Variants in LCMT1 observed in about 807,000 individuals in gnomAD.
The protein encoded by LCMT1 is leucine carboxyl methyltransferase 1, also known as [Phosphatase 2A protein]-leucine-carboxy methyltransferase 1.
Under a neutral mutation model 47.7 loss-of-function variants are expected in LCMT1, and 32 were observed. The ratio of observed to expected loss-of-function variants is 0.67; its 90% CI spans 0.51 to 0.90. LCMT1 has a LOEUF of 0.90. LCMT1 is among the 40% of genes least tolerant of loss of function. LCMT1 has a pLI of 0.00. For missense variants in LCMT1, 375 were observed against 415.2 expected (o/e 0.90, Z 0.84); for synonymous variants, 152 against 149.7 (o/e 1.02, Z -0.11).
At chr16:25,123,037 A>G (rs1251081132) in intron 1 of LCMT1, among the ~76,000 whole-genome samples, 2 of 152,008 alleles carry the variant, frequency 1.3e-5, no homozygotes, top group Admixed American at 6.6e-5. Flanking sequence ...GGCTATTTCC[A>G]ATTATTTAAC....
intron 6 of LCMT1, 43 bp downstream of exon 6, chr16:25,161,247 A>G: frequency 9.3e-7 from 1 of 1,081,024 alleles, no homozygotes; most frequent in Non-Finnish European, 1.4e-6. Flanking sequence ...TTGTGATTTT[A>G]TGCTAATTAT....
At chr16:25,131,855 A>G (rs1213430648) in intron 2 of LCMT1, among the ~76,000 whole-genome samples, 1 of 152,180 alleles carries the variant, frequency 6.6e-6, no homozygotes, top group Non-Finnish European at 1.5e-5. Flanking sequence ...TTGTGTTTTT[A>G]GTAGCAAGCC....
chr16:25,162,617 A>G (rs1043095654), intron 6 of LCMT1, among the ~76,000 whole-genome samples: 1 of 151,928 alleles, frequency 6.6e-6, no homozygotes, highest in Non-Finnish European at 1.5e-5. Flanking sequence ...AAGAAAAGAA[A>G]AAGAAAAATG....
chr16:25,122,759 C>T (rs1311613781), intron 1 of LCMT1, among the ~76,000 whole-genome samples: 3 of 152,114 alleles, frequency 2.0e-5, no homozygotes, highest in Admixed American at 6.6e-5. Context: ...TTCTGTCAAG[C>T]TGATGCTTGT....
chr16:25,119,061 T>C (rs1361857416), intron 1 of LCMT1, among the ~76,000 whole-genome samples: 1 of 152,084 alleles, frequency 6.6e-6, no homozygotes, highest in Non-Finnish European at 1.5e-5. Context: ...TGTGGGGGTG[T>C]CCCCTGTGAG....
At position 25,163,081 on chromosome 16, in the gene LCMT1, T is replaced by G. The variant is rs570278725; in HGVS notation, c.570-1517T>G. ...TTCACCATATTGCCCAGGCTTGTTT[T>G]GAACTCGTGAGCCCAAGCGATCTAA... is the stretch of plus-strand genomic sequence containing the variant. On this transcript the variant is annotated intron_variant, in intron 6 of 10. Coordinates refer to ENST00000399069, the MANE Select transcript of LCMT1 (RefSeq NM_016309.3). 1.1e-4 allele frequency among the ~76,000 whole-genome samples: 17 copies of G among 152,364 alleles called. 1 individual carries two copies. The South Asian group carries it at 3.5e-3, about 32-fold the overall frequency.
intron 9 of LCMT1, among the ~76,000 whole-genome samples, chr16:25,171,984 A>G (rs1597607431): frequency 6.6e-6 from 1 of 152,148 alleles, no homozygotes; most frequent in East Asian, 1.9e-4. Context: ...TTACATATCA[A>G]AATATTGAGG....
At chr16:25,152,628 A>G (rs1360489911) in intron 5 of LCMT1, among the ~76,000 whole-genome samples, 1 of 152,150 alleles carries the variant, frequency 6.6e-6, no homozygotes. Context: ...CTTGGAAAAA[A>G]CTAGAAGACG....
intron 8 of LCMT1, among the ~76,000 whole-genome samples, chr16:25,169,804 A>C (rs1347062207): frequency 6.6e-6 from 1 of 152,136 alleles, no homozygotes; most frequent in Non-Finnish European, 1.5e-5. Flanking sequence ...AACATTGTCC[A>C]CACTTTGCAG....
At chr16:25,125,110 T>C (rs927096197) in intron 1 of LCMT1, among the ~76,000 whole-genome samples, 4 of 152,190 alleles carry the variant, frequency 2.6e-5, no homozygotes, top group African/African-American at 2.4e-5. Context: ...ATAGAAGTGA[T>C]GTTCTCTGGG....
At chr16:25,154,247 C>T (rs1036733833) in intron 5 of LCMT1, among the ~76,000 whole-genome samples, 2 of 151,702 alleles carry the variant, frequency 1.3e-5, no homozygotes, top group Non-Finnish European at 2.9e-5. Context: ...CTGCTAACCT[C>T]GTGATCCTCT....
chr16:25,114,945 T>C (rs1377930925), intron 1 of LCMT1, among the ~76,000 whole-genome samples: 1 of 152,130 alleles, frequency 6.6e-6, no homozygotes, highest in Non-Finnish European at 1.5e-5. Flanking sequence ...TGGCCCAGAG[T>C]GTCCTCTACC....
chr16:25,135,896 G>A (rs1032672666), intron 3 of LCMT1, among the ~76,000 whole-genome samples: 4 of 151,972 alleles, frequency 2.6e-5, no homozygotes, highest in Non-Finnish European at 4.4e-5. Flanking sequence ...TTTGAGACCA[G>A]CCTGGGCATC....
In LCMT1 at chr16:25,178,055, G is replaced by A. The variant is rs763367563; in HGVS notation, c.*32G>A. On this transcript the variant is annotated 3_prime_UTR_variant, in exon 11 of 11. Transcript: ENST00000399069. Reference sequence around the variant, plus strand: ...GAAGGCTTATGCCGAGCCAGAAGCCGAAGCCACTTGCCCTCCTGGAGGAGA... The same window carrying A: ...GAAGGCTTATGCCGAGCCAGAAGCCAAAGCCACTTGCCCTCCTGGAGGAGA... 2.9e-5 allele frequency: 47 copies of A among 1,611,704 alleles called. No homozygotes were observed. The Middle Eastern group carries it at 4.9e-4, about 17-fold the overall frequency.
intron 9 of LCMT1, among the ~76,000 whole-genome samples, chr16:25,171,148 A>C (rs906025591): frequency 7.6e-5 from 11 of 144,600 alleles, no homozygotes; most frequent in East Asian, 4.3e-4. Context: ...AGCCGGGAGA[A>C]TCACTTAAAC....
At chr16:25,117,893 C>G (rs1959849321) in intron 1 of LCMT1, among the ~76,000 whole-genome samples, 1 of 151,974 alleles carries the variant, frequency 6.6e-6, no homozygotes, top group Non-Finnish European at 1.5e-5. Flanking sequence ...GGAACTGCCC[C>G]TTTATTTTCC....
In LCMT1 at chr16:25,132,624, G is replaced by GA; in HGVS notation, c.327+104dup. On this transcript the variant is annotated intron_variant, in intron 3 of 10. Coordinates refer to ENST00000399069, the MANE Select transcript of LCMT1 (RefSeq NM_016309.3). ...AAACATATATTAAAAGTTATGCAGC[G>GA]AAAGCCTGTCTCCCACCCCTGTCCC... 4 of 1,327,998 alleles carry GA rather than the reference G, an allele frequency of 3.0e-6. 1 individual carries two copies. The South Asian group carries it at 5.7e-5, about 19-fold the overall frequency. 82.3% of individuals were successfully genotyped at this position (1,327,998 alleles called of 1,614,324 possible). A position where few individuals can be genotyped will look rare whatever the true frequency, so the allele number is the denominator to read the frequency against.
chr16:25,149,743 G>A (rs1221779168), intron 4 of LCMT1, among the ~76,000 whole-genome samples: 3 of 151,922 alleles, frequency 2.0e-5, no homozygotes, highest in Admixed American at 1.3e-4. Flanking sequence ...GTGAAACCTC[G>A]TCTCTACTAA....
At chr16:25,112,297 C>T (rs1959645972) in intron 1 of LCMT1, among the ~76,000 whole-genome samples, 1 of 152,204 alleles carries the variant, frequency 6.6e-6, no homozygotes. Context: ...GAAAGACAGA[C>T]ATGAAGCAAA....
Sources: allele counts gnomAD v4.1 joint callset (sites outside exome capture counted in the v4.1 genomes callset), GRCh38; gene constraint gnomAD v4.1.1; transcripts MANE v1.5; gene names NCBI Gene and HGNC (gene_info 2026-07-23, HGNC 2026-07-21).